LOXL3: variants seen among roughly 807,000 people sequenced by gnomAD.
The protein encoded by LOXL3 is lysyl oxidase homolog 3.
LOXL3 carries 60 observed loss-of-function variants against 91.8 expected under a neutral mutation model. The ratio of observed to expected loss-of-function variants is 0.65; its 90% confidence interval spans 0.53 to 0.81. The LOEUF (loss-of-function observed/expected upper bound fraction) is 0.81. Among genes scored for constraint, LOXL3 ranks in the 30% least tolerant of loss-of-function variants. The probability of loss-of-function intolerance (pLI) is 0.00; values close to 1 mark genes in which losing one functional copy is unlikely to be tolerated. For missense variants in LOXL3, 874 were observed against 1,000.4 expected (o/e 0.87, Z 1.70); for synonymous variants, 355 against 387.6 (o/e 0.92, Z 0.99).
intron 13 of LOXL3, 38 bp from the exon 14 acceptor site, chr2:74,533,717 C>G (rs773790146): frequency 4.4e-6 from 7 of 1,592,412 alleles, no homozygotes; most frequent in Non-Finnish European, 6.0e-6. Context: ...GCGCCCTGCA[C>G]AGAGGGAGGG....
At chr2:74,554,718 G>A (rs377209805), upstream of LOXL3, 1 of 1,596,786 alleles carries the variant, frequency 6.3e-7, no homozygotes, top group Admixed American at 1.7e-5. The surrounding 1 kb of genome is among the most constrained non-coding windows in gnomAD (Gnocchi z 4.9). Flanking sequence ...GCCTCCCGCC[G>A]CAGGGCCAGG....
At chr2:74,548,437 G>A (rs1333827192) in intron 4 of LOXL3, among the ~76,000 whole-genome samples, 1 of 152,184 alleles carries the variant, frequency 6.6e-6, no homozygotes, top group Non-Finnish European at 1.5e-5. Context: ...TGTAATCCGA[G>A]CACGCTTCAG....
At chr2:74,545,494 C>T (rs779484960) in intron 4 of LOXL3, among the ~76,000 whole-genome samples, 4 of 152,248 alleles carry the variant, frequency 2.6e-5, no homozygotes, top group Non-Finnish European at 4.4e-5. Flanking sequence ...CACTATTTCT[C>T]AGTATAAACC....
chr2:74,547,178 T>TTTTATTTTTA (rs999888036), intron 4 of LOXL3, among the ~76,000 whole-genome samples: 1 of 152,074 alleles, frequency 6.6e-6, no homozygotes, highest in African/African-American at 2.4e-5. Context: ...GTTCAGCTAA[T>TTTTATTTTTA]TTTATTTTTA....
In LOXL3 at chr2:74,552,823, A is replaced by G. The variant is rs1394278407; in HGVS notation, c.-12-177T>C. 6.6e-6 allele frequency: 4 copies of G among 604,872 alleles called. No individual in the cohort carries two copies. In the Admixed American group the frequency reaches 9.5e-5, roughly 14 times the overall value. 37.5% of individuals were successfully genotyped at this position (604,872 alleles called of 1,614,324 possible). On this transcript the variant is annotated intron_variant, in intron 1 of 13. Coordinates refer to ENST00000264094, the MANE Select transcript of LOXL3 (RefSeq NM_032603.5). ...AGAGACAGGGAGAGAAACACATTAA[A>G]TAAGGGCTGAGGCACAGGTCATAGA...
In LOXL3 at chr2:74,549,266, C is replaced by CG. The variant is rs1385157589; in HGVS notation, c.692+102dup. The CG allele has an allele frequency of 1.5e-6, 2 of 1,322,240 alleles. No individual in the cohort carries two copies. Among genetic ancestry groups the CG allele is most frequent in the African/African-American group, 1.5e-5 (1 of 67,100 alleles). 81.9% of individuals were successfully genotyped at this position (1,322,240 alleles called of 1,614,324 possible). A position where few individuals can be genotyped will look rare whatever the true frequency, so the allele number is the denominator to read the frequency against. ...ATATTTTCCCGCGCGTCCCGACCCC[C>CG]GGGTCCTCCCGTGCCCCGGACCTGC... On this transcript the variant is annotated intron_variant, in intron 4 of 13. Coordinates refer to ENST00000264094, the MANE Select transcript of LOXL3 (RefSeq NM_032603.5). The surrounding 1 kb of genome is among the most constrained non-coding windows in gnomAD (Gnocchi z 5.3).
At chr2:74,552,195 G>A in intron 2 of LOXL3, 127 bp downstream of exon 2, 1 of 845,164 alleles carries the variant, frequency 1.2e-6, no homozygotes. Flanking sequence ...TGTCATCCAT[G>A]GATTTACTCA....
rs747995192 is a variant in LOXL3 at position 74,534,327 on chromosome 2, T to G, written c.1928A>C (p.Glu643Ala). 15 of 1,614,114 alleles carry G rather than the reference T, an allele frequency of 9.3e-6. 1 individual carries two copies. The highest frequency in any genetic ancestry group is 1.7e-6 in the Non-Finnish European group (2 of 1,180,038). ...HKASFCLEDT[E>A]CQEDVSKRYE... The stretch of plus-strand genomic sequence containing the variant: ...AGTCCCCAACTCACCCTCCTGACAC[T>G]CAGTGTCTTCGAGACAGAAACTAGC... Residue 643 changes from glutamate (E) to alanine (A), a missense_variant, in exon 11 of 14, where the codon GAG becomes GCG. Transcript: ENST00000264094.
upstream of LOXL3, chr2:74,554,801 G>C: frequency 6.2e-7 from 1 of 1,614,146 alleles, no homozygotes. This position sits in a 1 kb window ranked among gnomAD's most constrained non-coding sequence, Gnocchi z 4.9. Flanking sequence ...CAGAGTCAGC[G>C]CTTTGGGACC....
rs1408722448 is a variant in LOXL3, at chr2:74,532,704, C to T, written c.*902G>A. 1 of 1,613,740 alleles carries T rather than the reference C, an allele frequency of 6.2e-7. No individual in the cohort carries two copies. On this transcript the variant is annotated 3_prime_UTR_variant, in exon 14 of 14. Coordinates refer to ENST00000264094, the MANE Select transcript of LOXL3 (RefSeq NM_032603.5). The stretch of plus-strand genomic sequence containing the variant: ...CATCCATAAAGTCATCCTGGGCTCC[C>T]CTGCACACCGGTGAGGGAGAGGCTG...
intron 4 of LOXL3, among the ~76,000 whole-genome samples, chr2:74,546,344 G>C (rs1676589077): frequency 6.6e-6 from 1 of 152,040 alleles, no homozygotes; most frequent in African/African-American, 2.4e-5. Context: ...TCTGCTCCAA[G>C]CCCTCCAGTG....
upstream of LOXL3, chr2:74,554,570 C>A: frequency 3.2e-6 from 2 of 617,778 alleles, no homozygotes; most frequent in Non-Finnish European, 5.6e-6. This position sits in a 1 kb window ranked among gnomAD's most constrained non-coding sequence, Gnocchi z 4.9. Flanking sequence ...GGTGCTGCAG[C>A]TCCCGGCTAA....
upstream of LOXL3, chr2:74,555,138 C>G (rs767256272): frequency 5.6e-6 from 9 of 1,601,546 alleles, no homozygotes; most frequent in Non-Finnish European, 7.7e-6. The surrounding 1 kb of genome is among the most constrained non-coding windows in gnomAD (Gnocchi z 6.1). Context: ...CTCGAGCACT[C>G]TCTCTCTCTC....
rs557574040 is a variant in LOXL3 at position 74,541,415 on chromosome 2, G to A, written c.693-4487C>T. Among the ~76,000 whole-genome samples, 166 of 152,288 alleles carry A rather than the reference G, an allele frequency of 1.1e-3. No homozygotes were observed. The South Asian group carries it at 0.033, about 30-fold the overall frequency. On this transcript the variant is annotated intron_variant, in intron 4 of 13. Coordinates refer to ENST00000264094, the MANE Select transcript of LOXL3 (RefSeq NM_032603.5). Reference sequence around the variant, plus strand: ...AGTCAGAAGCTGTTTGATATTTTCTGCCTCAGCTTCTTCCTGAGGATGTAC... The same window carrying A: ...AGTCAGAAGCTGTTTGATATTTTCTACCTCAGCTTCTTCCTGAGGATGTAC...
In LOXL3 at chr2:74,534,095, G is replaced by A. The variant is rs769666456; in HGVS notation, c.2076+5C>T. 1.1e-5 allele frequency: 17 copies of A among 1,613,942 alleles called. No homozygotes were observed. Among genetic ancestry groups the A allele is most frequent in the Middle Eastern group, 1.6e-4 (1 of 6,084 alleles). On this transcript the variant is annotated splice_donor_5th_base_variant and intron_variant, in intron 12 of 13. Transcript: ENST00000264094. ...ACCCATCTGGAAGCCCCAGACTCCA[G>A]GTACCTGGAGAATGTAGTTTCCTGG...
Position 74,533,636 on chromosome 2 carries a change from G to A in LOXL3, c.2232C>T (p.Tyr744=), listed in dbSNP as rs368654225. 1 of 1,614,072 alleles carries A rather than the reference G, an allele frequency of 6.2e-7. No homozygotes were observed. The highest frequency in any genetic ancestry group is 8.5e-7 in the Non-Finnish European group (1 of 1,179,994). ...SEEANRRFER[Y]PGQTSNQII ...TAATCTGGTTGCTGGTCTGGCCAGG[G>A]TAGCGTTCAAACCTCCTGTTGGCCT... Residue 744 remains tyrosine, a synonymous_variant, in exon 14 of 14, where the codon TAC becomes TAT. Transcript: ENST00000264094.
In LOXL3 at chr2:74,534,311, C is replaced by G; in HGVS notation, c.1939+5G>C. 1 of 1,614,214 alleles carries G rather than the reference C, an allele frequency of 6.2e-7. No individual in the cohort carries two copies. Among genetic ancestry groups the G allele is most frequent in the Non-Finnish European group, 8.5e-7 (1 of 1,180,006 alleles). On this transcript the variant is annotated splice_donor_5th_base_variant and intron_variant, in intron 11 of 13. Transcript: ENST00000264094. ...CCATGTGGTTCACTTCAGTCCCCAA[C>G]TCACCCTCCTGACACTCAGTGTCTT...
Position 74,543,964 on chromosome 2 carries a change from T to G in LOXL3, c.692+5405A>C, listed in dbSNP as rs920201066. Among the ~76,000 whole-genome samples the G allele has an allele frequency of 4.0e-5, 6 of 151,690 alleles. No individual in the cohort carries two copies. The East Asian group carries it at 1.2e-3, about 29-fold the overall frequency. ...AAAAGAAATAGATTCAAATGATCTT[T>G]TGGAGTCACAAACCTGATCATGCCA... On this transcript the variant is annotated intron_variant, in intron 4 of 13. Transcript: ENST00000264094.
Position 74,536,103 on chromosome 2 carries a change from G to A in LOXL3, c.1141C>T (p.Leu381Phe), listed in dbSNP as rs768947832. 2 of 1,614,010 alleles carry A rather than the reference G, an allele frequency of 1.2e-6. No individual in the cohort carries two copies. Among genetic ancestry groups the A allele is most frequent in the South Asian group, 2.2e-5 (2 of 91,084 alleles). The change falls in exon 7 of 14, where the codon CTC (leucine) becomes TTC (phenylalanine). Residue 381 changes from leucine (L) to phenylalanine (F), a missense_variant. Leu to Phe is a conservative substitution (Grantham distance 22, BLOSUM62 0). Coordinates refer to ENST00000264094, the MANE Select transcript of LOXL3 (RefSeq NM_032603.5). This position sits in a 1 kb window ranked among gnomAD's most constrained non-coding sequence, Gnocchi z 4.5. The part of the protein sequence containing the change: ...LSEVRCSGQE[L>F]SLWKCPHKNI... ...TTGTGGGGGCACTTCCAGAGGGAGA[G>A]CTCCTGTCCAGAGCAGCGAACTTCA...
Sources: allele counts gnomAD v4.1 joint callset (sites outside exome capture counted in the v4.1 genomes callset), GRCh38; gene constraint gnomAD v4.1.1; non-coding constraint Gnocchi (gnomAD v3.1); transcripts MANE v1.5; gene names NCBI Gene and HGNC (gene_info 2026-07-23, HGNC 2026-07-21).